The following ENTREP2 variants were observed in gnomAD, a reference collection of about 807,000 sequenced individuals.
ENTREP2 encodes the protein endosomal transmembrane epsin interactor 2, also known as protein ENTREP2.
the ENTREP2 span, among the ~76,000 whole-genome samples, chr15:29,244,182 G>A: frequency 1.3e-5 from 2 of 152,224 alleles, no homozygotes; most frequent in African/African-American, 4.8e-5. Context: ...AACTAAAGGA[G>A]GAAAGCCATA....
chr15:29,629,855 GC>G, the ENTREP2 span, among the ~76,000 whole-genome samples: 1 of 152,076 alleles, frequency 6.6e-6, no homozygotes, highest in Non-Finnish European at 1.5e-5. Flanking sequence ...GGTGGCTCAT[GC>G]CTGTAATCCC....
chr15:29,478,170 G>C, the ENTREP2 span, among the ~76,000 whole-genome samples: 1 of 150,750 alleles, frequency 6.6e-6, no homozygotes, highest in Non-Finnish European at 1.5e-5. Context: ...GACTACAGGC[G>C]CCCGTCACCA....
chr15:29,180,847 G>A, the ENTREP2 span, among the ~76,000 whole-genome samples: 4 of 151,890 alleles, frequency 2.6e-5, no homozygotes, highest in Non-Finnish European at 2.9e-5. Flanking sequence ...AAAACTTAGC[G>A]TATGCAGTTT....
the ENTREP2 span, among the ~76,000 whole-genome samples, chr15:29,162,360 G>A: frequency 2.0e-5 from 3 of 152,196 alleles, no homozygotes; most frequent in South Asian, 2.1e-4. Flanking sequence ...TTCTCCACAG[G>A]TGGGAAGAAC....
At chr15:29,211,536 G>A in the ENTREP2 span, among the ~76,000 whole-genome samples, 1 of 152,160 alleles carries the variant, frequency 6.6e-6, no homozygotes, top group Non-Finnish European at 1.5e-5. Context: ...TGGTCAGAGT[G>A]GGCATCCTTG....
At chr15:29,364,970 G>A in the ENTREP2 span, among the ~76,000 whole-genome samples, 3 of 152,098 alleles carry the variant, frequency 2.0e-5, no homozygotes, top group South Asian at 4.1e-4. Flanking sequence ...TCTTGGTGTT[G>A]TACATTCTAT....
At chr15:29,322,115 T>C in the ENTREP2 span, among the ~76,000 whole-genome samples, 8 of 152,292 alleles carry the variant, frequency 5.3e-5, no homozygotes, top group Non-Finnish European at 1.5e-5. Context: ...GTCTTATTTT[T>C]CTTATTTTTT....
chr15:29,282,826 C>T, the ENTREP2 span, among the ~76,000 whole-genome samples: 1 of 152,160 alleles, frequency 6.6e-6, no homozygotes, highest in East Asian at 1.9e-4. Context: ...GCCCTTTAAC[C>T]GTTTCTTGGC....
At chr15:29,268,835 TCTC>T in the ENTREP2 span, 50 of 1,614,038 alleles carry the variant, frequency 3.1e-5, no homozygotes, top group African/African-American at 3.7e-4. Context: ...CTGGCCCTGT[TCTC>T]CTCATCTGCC....
At chr15:29,318,267 G>C in the ENTREP2 span, among the ~76,000 whole-genome samples, 2 of 152,152 alleles carry the variant, frequency 1.3e-5, no homozygotes, top group Admixed American at 1.3e-4. Flanking sequence ...ATGTCTCTCT[G>C]TCGGTATATT....
chr15:29,476,379 CCCTT>C, the ENTREP2 span, among the ~76,000 whole-genome samples: 1 of 152,186 alleles, frequency 6.6e-6, no homozygotes, highest in East Asian at 1.9e-4. Context: ...CATTAGCTGA[CCCTT>C]CATTATTTTT....
chr15:29,657,475 T>TGCGGGGGCAGGGCGGGGC, the ENTREP2 span, among the ~76,000 whole-genome samples: 2 of 3,806 alleles, frequency 5.3e-4, no homozygotes, highest in Non-Finnish European at 1.1e-3. Context: ...CGCTGTCGGC[T>TGCGGGGGCAGGGCGGGGC]GGGGGGGCGG....
the ENTREP2 span, among the ~76,000 whole-genome samples, chr15:29,672,985 G>C: frequency 6.6e-6 from 1 of 152,130 alleles, no homozygotes; most frequent in Non-Finnish European, 1.5e-5. Context: ...TGCTAAACAA[G>C]CGGTGGATTA....
At chr15:29,590,481 G>A in the ENTREP2 span, among the ~76,000 whole-genome samples, 3 of 151,920 alleles carry the variant, frequency 2.0e-5, no homozygotes, top group African/African-American at 7.3e-5. Context: ...TCAGGAGTTC[G>A]AGACCAGCCT....
the ENTREP2 span, among the ~76,000 whole-genome samples, chr15:29,583,403 A>G: frequency 1.3e-5 from 2 of 152,134 alleles, no homozygotes; most frequent in Non-Finnish European, 1.5e-5. Flanking sequence ...AAAACCAAAC[A>G]TGCATGTTCT....
chr15:29,242,887 C>A, the ENTREP2 span, among the ~76,000 whole-genome samples: 2 of 152,204 alleles, frequency 1.3e-5, no homozygotes, highest in African/African-American at 4.8e-5. Context: ...CACCTAGAGA[C>A]CAGCTGGGAG....
At chr15:29,592,328 T>C in the ENTREP2 span, among the ~76,000 whole-genome samples, 6 of 152,220 alleles carry the variant, frequency 3.9e-5, no homozygotes, top group Admixed American at 1.3e-4. Context: ...CTTTGTTTTG[T>C]GTTGCTATAA....
At chr15:29,292,836 T>C in the ENTREP2 span, among the ~76,000 whole-genome samples, 1 of 152,222 alleles carries the variant, frequency 6.6e-6, no homozygotes, top group South Asian at 2.1e-4. Flanking sequence ...ATCAGTTGCT[T>C]CTTTCATTCC....
chr15:29,661,977 G>A, the ENTREP2 span, among the ~76,000 whole-genome samples: 7 of 152,170 alleles, frequency 4.6e-5, no homozygotes, highest in East Asian at 5.8e-4. Flanking sequence ...TTGGGAGGCC[G>A]AGGCAGGCAG....
Sources: allele counts gnomAD v4.1 joint callset (sites outside exome capture counted in the v4.1 genomes callset), GRCh38; gene constraint gnomAD v4.1.1; transcripts MANE v1.5; gene names NCBI Gene and HGNC (gene_info 2026-07-23, HGNC 2026-07-21).